The following EBF2 variants were observed in gnomAD, a reference collection of about 807,000 sequenced individuals.
EBF2 encodes transcription factor COE2.
EBF2 carries 21 observed loss-of-function variants against 72.8 expected under a neutral mutation model. That is an observed-to-expected ratio of 0.29 (90% CI 0.20 to 0.42). The LOEUF is 0.42. Among genes scored for constraint, EBF2 ranks in the 10% least tolerant of loss-of-function variants. The pLI is 1.00. For missense variants in EBF2, 637 were observed against 731.2 expected, an observed-to-expected ratio of 0.87 and a Z score of 1.49; for synonymous variants, 299 against 274.2, an observed-to-expected ratio of 1.09 and a Z score of -0.89.
At chr8:26,019,307 AAAG>A (rs1370503909) in intron 6 of EBF2, among the ~76,000 whole-genome samples, 1 of 152,050 alleles carries the variant, frequency 6.6e-6, no homozygotes, top group African/African-American at 2.4e-5. Context: ...AAAAAAAAAA[AAAG>A]GTTGGCTTTG....
At chr8:25,964,867 C>G (rs1455419510) in intron 6 of EBF2, among the ~76,000 whole-genome samples, 1 of 152,210 alleles carries the variant, frequency 6.6e-6, no homozygotes. Flanking sequence ...TGTTTGCACA[C>G]AGGCGCATGC....
intron 6 of EBF2, among the ~76,000 whole-genome samples, chr8:25,990,188 T>TAAAC (rs373601248): frequency 7.5e-5 from 11 of 146,268 alleles, no homozygotes; most frequent in African/African-American, 2.5e-4. Context: ...CTATGGGTTA[T>TAAAC]ACACACACAC....
chr8:25,964,505 C>G (rs13259236), intron 6 of EBF2, among the ~76,000 whole-genome samples: 1 of 152,142 alleles, frequency 6.6e-6, no homozygotes, highest in African/African-American at 2.4e-5. Flanking sequence ...CCTTCTCAAT[C>G]TGGGTCGAGG....
At chr8:25,954,305 C>T (rs530694818) in intron 6 of EBF2, among the ~76,000 whole-genome samples, 4 of 152,256 alleles carry the variant, frequency 2.6e-5, no homozygotes, top group Admixed American at 6.5e-5. Context: ...GAGGGCTGCC[C>T]GTTGGTGGCT....
At chr8:25,912,875 G>A (rs1020008131) in intron 6 of EBF2, among the ~76,000 whole-genome samples, 1 of 152,144 alleles carries the variant, frequency 6.6e-6, no homozygotes, top group Non-Finnish European at 1.5e-5. Flanking sequence ...CAGTAAAAGT[G>A]TGTAGGTGGC....
At chr8:25,859,951 A>C (rs373875474) in intron 13 of EBF2, among the ~76,000 whole-genome samples, 1 of 152,058 alleles carries the variant, frequency 6.6e-6, no homozygotes, top group Non-Finnish European at 1.5e-5. Context: ...TCCTGAGCTC[A>C]AGCAATCTGC....
chr8:25,967,484 T>C (rs1804133046), intron 6 of EBF2, among the ~76,000 whole-genome samples: 1 of 152,242 alleles, frequency 6.6e-6, no homozygotes, highest in African/African-American at 2.4e-5. Context: ...TAGCCTATAG[T>C]TGGGCTAAAT....
chr8:25,941,104 G>A (rs1803662027), intron 6 of EBF2, among the ~76,000 whole-genome samples: 1 of 152,114 alleles, frequency 6.6e-6, no homozygotes, highest in African/African-American at 2.4e-5. Context: ...CAAATCTCAT[G>A]AGTATGGAGA....
intron 6 of EBF2, among the ~76,000 whole-genome samples, chr8:25,917,826 A>G (rs906566376): frequency 1.3e-5 from 2 of 152,022 alleles, no homozygotes; most frequent in African/African-American, 2.4e-5. Context: ...GTGAACACCA[A>G]TTACACCCAG....
chr8:25,946,919 G>A (rs753473995), intron 6 of EBF2, among the ~76,000 whole-genome samples: 4 of 151,792 alleles, frequency 2.6e-5, no homozygotes, highest in Non-Finnish European at 5.9e-5. Flanking sequence ...ATCTCACAGA[G>A]TTACGTTTTT....
At chr8:25,905,742 G>A (rs970959114) in intron 7 of EBF2, among the ~76,000 whole-genome samples, 1 of 152,184 alleles carries the variant, frequency 6.6e-6, no homozygotes, top group Non-Finnish European at 1.5e-5. Context: ...TCTGGAATTA[G>A]ATAGTGGTGC....
At chr8:25,928,424 C>A (rs990366796) in intron 6 of EBF2, among the ~76,000 whole-genome samples, 5 of 152,144 alleles carry the variant, frequency 3.3e-5, no homozygotes, top group South Asian at 2.1e-4. Context: ...ACCATTCCTG[C>A]CCCAACTTGG....
chr8:26,025,562 G>A (rs1005504807), intron 6 of EBF2, among the ~76,000 whole-genome samples: 12 of 152,146 alleles, frequency 7.9e-5, no homozygotes, highest in Non-Finnish European at 1.3e-4. Context: ...CCAATTACAT[G>A]AGTGAACTTT....
At chr8:25,936,973 G>C (rs1384839460) in intron 6 of EBF2, among the ~76,000 whole-genome samples, 1 of 152,120 alleles carries the variant, frequency 6.6e-6, no homozygotes, top group Non-Finnish European at 1.5e-5. Context: ...AAAAAGAAAA[G>C]CTTTTATTGA....
At chr8:25,850,013 G>T (rs974618842) in intron 15 of EBF2, among the ~76,000 whole-genome samples, 3 of 152,146 alleles carry the variant, frequency 2.0e-5, no homozygotes, top group African/African-American at 7.2e-5. Context: ...ACAGCATAGG[G>T]CTGGGAAGTC....
At chr8:25,995,971 C>T (rs1340493808) in intron 6 of EBF2, among the ~76,000 whole-genome samples, 1 of 151,946 alleles carries the variant, frequency 6.6e-6, no homozygotes, top group Non-Finnish European at 1.5e-5. Context: ...ATCCTCCTTG[C>T]TGTTTGGCAA....
chr8:26,040,911 GGCTCACCGTTGCTGTAGAAGA>G lies in EBF2; in HGVS notation c.352+7_352+27del, dbSNP rs758730894. On this transcript the variant is annotated splice_region_variant and intron_variant, in intron 3 of 15. Coordinates refer to ENST00000520164, the MANE Select transcript of EBF2 (RefSeq NM_022659.4). ...GCCCGGAAGCCGGCTGCTAGGCGCCGGCTCACCGTTGCTGTAGAAGAGCTCACCGTTGCTGTAGAGGAGCTG... is the reference window on the plus strand; with the variant it reads ...GCCCGGAAGCCGGCTGCTAGGCGCCGGCTCACCGTTGCTGTAGAGGAGCTG... 5.4e-5 allele frequency: 87 copies of G among 1,613,802 alleles called. No homozygotes were observed. The highest frequency in any genetic ancestry group is 1.1e-4 in the South Asian group (10 of 90,968).
intron 14 of EBF2, among the ~76,000 whole-genome samples, chr8:25,857,058 G>A (rs1057042167): frequency 2.0e-5 from 3 of 152,030 alleles, no homozygotes; most frequent in African/African-American, 7.3e-5. Context: ...CAAAAATTTG[G>A]GGGAATTTGT....
rs553940817 is a variant in EBF2 at position 25,916,217 on chromosome 8, C to T, written c.552-7662G>A. Reference sequence around the variant, plus strand: ...ACGAGAATCACTTGAATCTGGGAGGCGGAGTTTGTAGTGAGCCAAGATTGT... The same window carrying T: ...ACGAGAATCACTTGAATCTGGGAGGTGGAGTTTGTAGTGAGCCAAGATTGT... On this transcript the variant is annotated intron_variant, in intron 6 of 15. Transcript: ENST00000520164. Among the ~76,000 whole-genome samples the T allele has an allele frequency of 2.8e-5, 4 of 144,478 alleles. No individual in the cohort carries two copies. The South Asian group carries it at 9.3e-4, about 34-fold the overall frequency. The allele number at this position is 144,478 out of a possible 152,430, so 94.8% of individuals were successfully genotyped here.
Sources: gnomAD v4.1 joint callset for allele counts (sites outside exome capture counted in the v4.1 genomes callset) on GRCh38, gnomAD v4.1.1 for gene constraint, MANE v1.5 for transcripts, NCBI Gene and HGNC (gene_info 2026-07-23, HGNC 2026-07-21) for gene names.